RGS20: variants seen among roughly 807,000 people sequenced by gnomAD.
The protein encoded by RGS20 is regulator of G protein signaling 20.
RGS20 carries 30 observed loss-of-function variants against 33.6 expected under a neutral mutation model. The observed-to-expected ratio is 0.89, with a 90% CI of 0.67 to 1.21. The LOEUF (loss-of-function observed/expected upper bound fraction) is 1.21, where lower values mean the gene tolerates loss of function less well. Among genes scored for constraint, RGS20 ranks in the 50% most tolerant of loss-of-function variants. RGS20 has a pLI of 0.00. For synonymous variants in RGS20, 208 were observed against 197.9 expected (o/e 1.05, Z -0.43); for missense variants, 472 against 502.4 (o/e 0.94, Z 0.58).
intron 1 of RGS20, among the ~76,000 whole-genome samples, chr8:53,878,920 C>T (rs575863408): frequency 1.1e-4 from 16 of 152,214 alleles, no homozygotes; most frequent in African/African-American, 3.6e-4. Context: ...TTCTGCATAC[C>T]GCATGTCACA....
At chr8:53,911,250 T>C (rs552452840) in intron 2 of RGS20, among the ~76,000 whole-genome samples, 52 of 152,290 alleles carry the variant, frequency 3.4e-4, no homozygotes, top group African/African-American at 1.2e-3. Context: ...AGTAAGCCAT[T>C]TTTTAAAAAG....
chr8:53,958,067 C>A (rs1251952110), intron 5 of RGS20, among the ~76,000 whole-genome samples: 1 of 152,078 alleles, frequency 6.6e-6, no homozygotes, highest in Non-Finnish European at 1.5e-5. Flanking sequence ...ACCCAGGAGG[C>A]GGAGGTTGCA....
intron 4 of RGS20, among the ~76,000 whole-genome samples, chr8:53,948,108 A>ATATATAAGATGTAGTATATATATGCTG (rs1814577832): frequency 7.4e-6 from 1 of 135,564 alleles, no homozygotes; most frequent in African/African-American, 2.7e-5. Flanking sequence ...TATATATGCT[A>ATATATAAGATGTAGTATATATATGCTG]TATATAAGAT....
intron 4 of RGS20, among the ~76,000 whole-genome samples, chr8:53,947,099 C>T (rs1469379720): frequency 2.8e-5 from 4 of 144,956 alleles, no homozygotes; most frequent in Non-Finnish European, 6.0e-5. Flanking sequence ...TTTATATATA[C>T]TATATATAAA....
At chr8:53,881,125 G>T in intron 2 of RGS20, 41 bp downstream of exon 1, 1 of 1,433,864 alleles carries the variant, frequency 7.0e-7, no homozygotes, top group Non-Finnish European at 9.2e-7. Flanking sequence ...CTTCGTCTCG[G>T]GCTCGCCCTG....
intron 1 of RGS20, among the ~76,000 whole-genome samples, chr8:53,860,961 T>C (rs1811796686): frequency 1.3e-5 from 2 of 151,310 alleles, no homozygotes; most frequent in African/African-American, 2.4e-5. Flanking sequence ...AGTGAGACCC[T>C]GTCTCCAAAA....
chr8:53,917,992 A>G (rs898926477), intron 2 of RGS20, among the ~76,000 whole-genome samples: 1 of 152,172 alleles, frequency 6.6e-6, no homozygotes, highest in Non-Finnish European at 1.5e-5. Flanking sequence ...CAACATGTGG[A>G]CTTCGGGGTC....
chr8:53,857,853 T>C (rs976904978), intron 1 of RGS20, among the ~76,000 whole-genome samples: 4 of 152,150 alleles, frequency 2.6e-5, no homozygotes, highest in African/African-American at 9.7e-5. Context: ...CTTGTAATCA[T>C]GTATATTTCA....
chr8:53,902,205 C>G (rs552583268), intron 2 of RGS20, among the ~76,000 whole-genome samples: 1 of 152,196 alleles, frequency 6.6e-6, no homozygotes, highest in Non-Finnish European at 1.5e-5. Flanking sequence ...TTTGTAGAGA[C>G]AGGGTTTTGC....
chr8:53,924,936 T>C (rs1256868748), intron 2 of RGS20, among the ~76,000 whole-genome samples: 1 of 152,238 alleles, frequency 6.6e-6, no homozygotes, highest in Non-Finnish European at 1.5e-5. Context: ...GCTTCCATCA[T>C]AAGGAAGAGG....
chr8:53,932,173 CT>C lies in RGS20; in HGVS notation c.511-7402del, dbSNP rs543011910. 1.1e-3 allele frequency among the ~76,000 whole-genome samples: 174 copies of C among 152,318 alleles called. 1 individual carries two copies. Among genetic ancestry groups the C allele is most frequent in the African/African-American group, 4.0e-3 (166 of 41,578 alleles). ...TTTGTGGGTAACCCGACCTTTCTCT[CT>C]GGCTGCCCTTAACACAAAACTGGGT... On this transcript the variant is annotated intron_variant, in intron 2 of 5. Coordinates refer to ENST00000297313, the MANE Select transcript of RGS20 (RefSeq NM_170587.4).
At chr8:53,870,393 T>A (rs1168571957) in intron 1 of RGS20, among the ~76,000 whole-genome samples, 1 of 152,190 alleles carries the variant, frequency 6.6e-6, no homozygotes, top group African/African-American at 2.4e-5. Flanking sequence ...ATTGGGCAAG[T>A]TTTTTCACCT....
intron 2 of RGS20, among the ~76,000 whole-genome samples, chr8:53,927,287 C>G (rs185391436): frequency 1.3e-5 from 2 of 150,172 alleles, no homozygotes; most frequent in Admixed American, 1.3e-4. Context: ...GCAGCCTCAA[C>G]CTCCTGGGCT....
chr8:53,921,142 A>G (rs1173671983), intron 2 of RGS20, among the ~76,000 whole-genome samples: 2 of 152,198 alleles, frequency 1.3e-5, no homozygotes, highest in East Asian at 3.8e-4. Flanking sequence ...TGTTAAACTA[A>G]CCTTGCATTC....
At chr8:53,857,017 C>T (rs1811688885) in intron 1 of RGS20, among the ~76,000 whole-genome samples, 1 of 152,164 alleles carries the variant, frequency 6.6e-6, no homozygotes, top group Admixed American at 6.5e-5. Context: ...CGCCTGTTGG[C>T]CAAACACCTT....
intron 3 of RGS20, among the ~76,000 whole-genome samples, chr8:53,943,032 A>G (rs1333429780): frequency 1.3e-5 from 2 of 152,136 alleles, no homozygotes; most frequent in Non-Finnish European, 2.9e-5. Flanking sequence ...GGGAAAAAAA[A>G]TTATAAAGCA....
chr8:53,893,621 A>G (rs73680353), intron 2 of RGS20, among the ~76,000 whole-genome samples: 24,476 of 152,214 alleles, frequency 0.16, 5,732 homozygotes, highest in African/African-American at 0.52. Flanking sequence ...TTTAAGTCAA[A>G]GCATAAGAGT....
At chr8:53,925,690 G>A (rs867725672) in intron 2 of RGS20, among the ~76,000 whole-genome samples, 2 of 151,976 alleles carry the variant, frequency 1.3e-5, no homozygotes, top group Non-Finnish European at 2.9e-5. Flanking sequence ...AGCTGAGATC[G>A]TGCCATTGCA....
intron 2 of RGS20, 58 bp from the exon 1 acceptor site, chr8:53,880,814 G>A (rs1812342925): frequency 1.5e-6 from 2 of 1,349,438 alleles, no homozygotes; most frequent in African/African-American, 3.1e-5. Context: ...CCGCTGGAGG[G>A]AGGCGAGACG....
Sources: gnomAD v4.1 joint callset for allele counts (sites outside exome capture counted in the v4.1 genomes callset) on GRCh38, gnomAD v4.1.1 for gene constraint, MANE v1.5 for transcripts, NCBI Gene and HGNC (gene_info 2026-07-23, HGNC 2026-07-21) for gene names.